Variants in ATP9B observed in about 807,000 individuals in gnomAD.
ATP9B encodes the protein probable phospholipid-transporting ATPase IIB.
A neutral mutation model predicts 146.1 loss-of-function variants in ATP9B; 110 were observed. The observed-to-expected ratio is 0.75, with a 90% confidence interval of 0.65 to 0.88. ATP9B has a LOEUF of 0.88. ATP9B is among the 40% of genes least tolerant of loss of function. ATP9B has a pLI of 0.00. For missense variants in ATP9B, 1,499 were observed against 1,496.4 expected (o/e 1.00, Z -0.03); for synonymous variants, 604 against 569.7 (o/e 1.06, Z -0.86).
chr18:79,142,609 TG>T (rs2094527847), intron 5 of ATP9B, among the ~76,000 whole-genome samples: 1 of 152,152 alleles, frequency 6.6e-6, no homozygotes, highest in South Asian at 2.1e-4. Flanking sequence ...GGAATTAAAG[TG>T]GACATTTTAT....
At chr18:79,130,043 A>G (rs975366189) in intron 5 of ATP9B, among the ~76,000 whole-genome samples, 8 of 152,182 alleles carry the variant, frequency 5.3e-5, no homozygotes, top group South Asian at 2.1e-4. Context: ...CACCCGGCGT[A>G]TGTCCAGTTT....
chr18:79,261,675 T>C (rs867326717), intron 12 of ATP9B, among the ~76,000 whole-genome samples: 1 of 152,280 alleles, frequency 6.6e-6, no homozygotes, highest in South Asian at 2.1e-4. Flanking sequence ...GTACACCACA[T>C]AGAGTCATTT....
chr18:79,308,233 G>T (rs1203291535), intron 15 of ATP9B, among the ~76,000 whole-genome samples: 1 of 152,106 alleles, frequency 6.6e-6, no homozygotes, highest in Admixed American at 6.6e-5. Flanking sequence ...CACTGTGGGT[G>T]GGATTGGAAC....
intron 7 of ATP9B, among the ~76,000 whole-genome samples, chr18:79,162,935 A>G (rs2094906026): frequency 6.6e-6 from 1 of 152,224 alleles, no homozygotes; most frequent in Non-Finnish European, 1.5e-5. Flanking sequence ...CCTATGTGAC[A>G]CATACACGAG....
chr18:79,353,321 C>T (rs367973079), intron 25 of ATP9B: 1 of 152,284 alleles, frequency 6.6e-6, no homozygotes, highest in East Asian at 1.9e-4. Context: ...CAGGGACTCT[C>T]ACCGCTTCAG....
chr18:79,349,087 C>T (rs2096908106), intron 25 of ATP9B, among the ~76,000 whole-genome samples: 1 of 152,222 alleles, frequency 6.6e-6, no homozygotes, highest in Non-Finnish European at 1.5e-5. Flanking sequence ...GCTGTATCTG[C>T]AAAACAGGAG....
At chr18:79,091,820 C>G (rs1225701547) in intron 1 of ATP9B, among the ~76,000 whole-genome samples, 1 of 152,142 alleles carries the variant, frequency 6.6e-6, no homozygotes, top group African/African-American at 2.4e-5. Flanking sequence ...TGTCGAGTAA[C>G]AGTGGTGACA....
At chr18:79,197,346 TTATATA>T (rs903177083) in intron 9 of ATP9B, among the ~76,000 whole-genome samples, 42 of 151,618 alleles carry the variant, frequency 2.8e-4, no homozygotes, top group East Asian at 1.9e-4. Flanking sequence ...TTTATAATCT[TTATATA>T]TATATAGCAA....
chr18:79,188,192 G>T (rs1251334377), intron 8 of ATP9B, among the ~76,000 whole-genome samples: 1 of 152,112 alleles, frequency 6.6e-6, no homozygotes, highest in African/African-American at 2.4e-5. Flanking sequence ...TGTACTTGAA[G>T]AAATATGAGA....
intron 13 of ATP9B, among the ~76,000 whole-genome samples, chr18:79,280,789 TAA>T (rs1181487335): frequency 1.3e-5 from 2 of 152,076 alleles, no homozygotes; most frequent in African/African-American, 2.4e-5. Flanking sequence ...CTGATCACAA[TAA>T]AAAAGAGATG....
intron 5 of ATP9B, among the ~76,000 whole-genome samples, chr18:79,140,830 C>G (rs1281709720): frequency 6.6e-6 from 1 of 152,050 alleles, no homozygotes; most frequent in Non-Finnish European, 1.5e-5. Context: ...ACATTTGGAT[C>G]TTTCTCAGAG....
At chr18:79,152,411 G>T (rs1233256915) in intron 6 of ATP9B, among the ~76,000 whole-genome samples, 1 of 152,058 alleles carries the variant, frequency 6.6e-6, no homozygotes, top group Non-Finnish European at 1.5e-5. Context: ...ATGTACTCTG[G>T]TTTGGAGTCT....
At chr18:79,153,451 CT>C (rs2094722239) in intron 6 of ATP9B, among the ~76,000 whole-genome samples, 1 of 152,060 alleles carries the variant, frequency 6.6e-6, no homozygotes, top group African/African-American at 2.4e-5. Context: ...TAGATTTATT[CT>C]TTCACATCTA....
At chr18:79,087,573 C>T (rs2073954530) in intron 1 of ATP9B, 1 of 152,178 alleles carries the variant, frequency 6.6e-6, no homozygotes, top group South Asian at 2.1e-4. Context: ...AAGCTTTGAG[C>T]ATTAGACATG....
chr18:79,242,585 TAG>T (rs2144737163), intron 11 of ATP9B, among the ~76,000 whole-genome samples: 1 of 152,368 alleles, frequency 6.6e-6, no homozygotes, highest in East Asian at 1.9e-4. Flanking sequence ...TGCTTTATTG[TAG>T]AGTGTCAACT....
Position 79,239,717 on chromosome 18 carries a change from T to C in ATP9B, c.1108-13664T>C, listed in dbSNP as rs991276996. Reference sequence around the variant, plus strand: ...GTTTCTTTTATCATGTAAATTTCTTTCATGTAAGTTACATGATAGTCCTTT... The same window carrying C: ...GTTTCTTTTATCATGTAAATTTCTTCCATGTAAGTTACATGATAGTCCTTT... On this transcript the variant is annotated intron_variant, in intron 11 of 29. Coordinates refer to ENST00000426216, the MANE Select transcript of ATP9B (RefSeq NM_198531.5). The surrounding 1 kb of genome is among the most constrained non-coding windows in gnomAD (Gnocchi z 5.1). Among the ~76,000 whole-genome samples, 2 of 152,250 alleles carry C rather than the reference T, an allele frequency of 1.3e-5. No individual in the cohort carries two copies. The highest frequency in any genetic ancestry group is 1.3e-4 in the Admixed American group (2 of 15,286).
chr18:79,257,410 A>T (rs1189330628), intron 12 of ATP9B, among the ~76,000 whole-genome samples: 1 of 152,272 alleles, frequency 6.6e-6, no homozygotes, highest in Non-Finnish European at 1.5e-5. Flanking sequence ...CAGGCCATCC[A>T]GTGCCCTTGG....
At position 79,157,425 on chromosome 18, in the gene ATP9B, CAT is replaced by C. The variant is rs367958722; in HGVS notation, c.778+2871_778+2872del. 9.7e-4 allele frequency among the ~76,000 whole-genome samples: 66 copies of C among 68,128 alleles called. 4 individuals carry two copies. Among genetic ancestry groups the C allele is most frequent in the African/African-American group, 4.1e-3 (65 of 15,962 alleles). 44.7% of individuals were successfully genotyped at this position (68,128 alleles called of 152,430 possible). A position where few individuals can be genotyped will look rare whatever the true frequency, so the allele number is the denominator to read the frequency against. ...AAAAAAAAAAAAAAAAAAAAAAAAA[CAT>C]GTATTGACTTATAGTTTTGGTTTTG... On this transcript the variant is annotated intron_variant, in intron 7 of 29. Transcript: ENST00000426216.
chr18:79,302,401 C>A (rs957801276), intron 13 of ATP9B, among the ~76,000 whole-genome samples: 3 of 151,508 alleles, frequency 2.0e-5, no homozygotes, highest in Non-Finnish European at 4.4e-5. Flanking sequence ...CACACACCCC[C>A]GGGGACAAGG....
Sources: allele counts gnomAD v4.1 joint callset (sites outside exome capture counted in the v4.1 genomes callset), GRCh38; gene constraint gnomAD v4.1.1; non-coding constraint Gnocchi (gnomAD v3.1); transcripts MANE v1.5; gene names NCBI Gene and HGNC (gene_info 2026-07-23, HGNC 2026-07-21).